The following SOX5 variants were observed in gnomAD, a reference collection of about 807,000 sequenced individuals.
SOX5 encodes the protein transcription factor SOX-5.
Under a neutral mutation model 92.0 loss-of-function variants are expected in SOX5, and 9 were observed. The ratio of observed to expected loss-of-function variants is 0.10; its 90% CI spans 0.06 to 0.17. The LOEUF (loss-of-function observed/expected upper bound fraction) is 0.17. Ranked by LOEUF, SOX5 falls within the 10% of genes least tolerant of loss-of-function variation. The pLI, the probability that SOX5 is intolerant of heterozygous loss-of-function variation, is 1.00. For synonymous variants in SOX5, 344 were observed against 336.3 expected (o/e 1.02, Z -0.25); for missense variants, 642 against 944.5 (o/e 0.68, Z 4.20).
intron 5 of SOX5, among the ~76,000 whole-genome samples, chr12:23,737,273 T>C (rs1240447748): frequency 6.6e-6 from 1 of 151,852 alleles, no homozygotes; most frequent in Non-Finnish European, 1.5e-5. Flanking sequence ...ACCCTGAGAG[T>C]ACTTTTTAAA....
chr12:23,740,011 C>T (rs1025451835), intron 5 of SOX5, among the ~76,000 whole-genome samples: 8 of 151,994 alleles, frequency 5.3e-5, no homozygotes, highest in Admixed American at 2.0e-4. Context: ...GTACAGTGCC[C>T]GGCACATAAG....
intron 3 of SOX5, among the ~76,000 whole-genome samples, chr12:24,214,331 T>C (rs1958992169): frequency 6.6e-6 from 1 of 152,152 alleles, no homozygotes. Flanking sequence ...GGGAATGTTT[T>C]TGCAAATTTA....
intron 10 of SOX5, among the ~76,000 whole-genome samples, chr12:23,573,713 A>G (rs1023142685): frequency 6.6e-6 from 1 of 152,182 alleles, no homozygotes; most frequent in Non-Finnish European, 1.5e-5. Context: ...AAACAGAATA[A>G]AGCAGAATTG....
intron 4 of SOX5, among the ~76,000 whole-genome samples, chr12:23,977,118 T>C (rs1476357039): frequency 1.3e-5 from 2 of 152,160 alleles, no homozygotes; most frequent in African/African-American, 4.8e-5. Context: ...GAGACAATAA[T>C]AAGACTGCAT....
intron 1 of SOX5, among the ~76,000 whole-genome samples, chr12:24,540,627 A>C (rs1037629731): frequency 2.0e-5 from 3 of 152,174 alleles, no homozygotes; most frequent in Non-Finnish European, 2.9e-5. Context: ...GCGATTAGAA[A>C]GTAATGAGAT....
At chr12:24,398,291 C>T (rs1210720794) in intron 1 of SOX5, among the ~76,000 whole-genome samples, 1 of 152,182 alleles carries the variant, frequency 6.6e-6, no homozygotes, top group Non-Finnish European at 1.5e-5. Flanking sequence ...ATCACCTGAG[C>T]TGAGAGTTTG....
intron 1 of SOX5, among the ~76,000 whole-genome samples, chr12:24,389,639 G>A (rs1023003012): frequency 7.9e-5 from 12 of 152,112 alleles, no homozygotes; most frequent in Admixed American, 3.9e-4. Context: ...TGGATATTTG[G>A]TTGTTTCAAT....
intron 3 of SOX5, among the ~76,000 whole-genome samples, chr12:24,248,161 G>C (rs556115205): frequency 2.0e-4 from 31 of 152,296 alleles, no homozygotes; most frequent in African/African-American, 5.5e-4. Flanking sequence ...GAAACAGCAA[G>C]AACAGGATTT....
chr12:23,541,542 G>A (rs1007392975), intron 13 of SOX5, among the ~76,000 whole-genome samples: 1 of 152,058 alleles, frequency 6.6e-6, no homozygotes, highest in Non-Finnish European at 1.5e-5. Flanking sequence ...TCACAAAAGG[G>A]AAAAATAGAT....
chr12:24,514,703 C>G (rs1197944017), intron 1 of SOX5, among the ~76,000 whole-genome samples: 1 of 152,186 alleles, frequency 6.6e-6, no homozygotes, highest in African/African-American at 2.4e-5. Flanking sequence ...TACATATACA[C>G]CTTGGAATAC....
At chr12:24,454,186 G>A (rs1942719417) in intron 1 of SOX5, among the ~76,000 whole-genome samples, 1 of 152,142 alleles carries the variant, frequency 6.6e-6, no homozygotes, top group South Asian at 2.1e-4. Flanking sequence ...GAAAAAGCGT[G>A]CTCTGTCTAC....
chr12:24,557,319 C>G (rs1047650675), intron 1 of SOX5, among the ~76,000 whole-genome samples: 1 of 149,624 alleles, frequency 6.7e-6, no homozygotes, highest in African/African-American at 2.5e-5. Flanking sequence ...ACCCAGGAGG[C>G]GGAGGGTTCA....
intron 8 of SOX5, among the ~76,000 whole-genome samples, chr12:23,634,136 T>A (rs1290890952): frequency 6.6e-6 from 1 of 152,136 alleles, no homozygotes; most frequent in Non-Finnish European, 1.5e-5. Flanking sequence ...GCCATGATAG[T>A]CTCTTTCATT....
At chr12:24,063,473 A>G (rs1349410339) in intron 4 of SOX5, among the ~76,000 whole-genome samples, 1 of 152,236 alleles carries the variant, frequency 6.6e-6, no homozygotes, top group Non-Finnish European at 1.5e-5. Context: ...GCTCCTTCCC[A>G]GTAAGTCTAT....
intron 3 of SOX5, among the ~76,000 whole-genome samples, chr12:24,276,967 AAAG>A (rs1310690775): frequency 1.3e-5 from 2 of 152,100 alleles, no homozygotes; most frequent in African/African-American, 4.8e-5. Flanking sequence ...AAGAAAAAGA[AAAG>A]AAAAGAAATG....
intron 1 of SOX5, among the ~76,000 whole-genome samples, chr12:24,534,225 T>C (rs1247651327): frequency 6.6e-6 from 1 of 151,720 alleles, no homozygotes; most frequent in Non-Finnish European, 1.5e-5. Flanking sequence ...GGACAAAAGC[T>C]GCAGTTGAGG....
At chr12:24,415,931 A>T (rs1467201781) in intron 1 of SOX5, among the ~76,000 whole-genome samples, 2 of 152,210 alleles carry the variant, frequency 1.3e-5, no homozygotes, top group African/African-American at 4.8e-5. Context: ...TTAACAACAA[A>T]ACACAGGTTG....
rs891943821 is a variant in SOX5 at position 24,208,383 on chromosome 12, C to T, written c.-2+4960G>A. Among the ~76,000 whole-genome samples, 3 of 152,280 alleles carry T rather than the reference C, an allele frequency of 2.0e-5. No individual in the cohort carries two copies. The East Asian group carries it at 5.8e-4, about 29-fold the overall frequency. On this transcript the variant is annotated intron_variant, in intron 4 of 4. Coordinates refer to the SOX5 transcript ENST00000446891. ...CACTTAGCATAAGATTCAAAGTCTT[C>T]TTATTATTTGAACCCAACTTACCTT...
At chr12:24,180,438 G>A (rs1955361302) in intron 4 of SOX5, among the ~76,000 whole-genome samples, 1 of 152,126 alleles carries the variant, frequency 6.6e-6, no homozygotes, top group Admixed American at 6.5e-5. Flanking sequence ...CCAGAATCCT[G>A]TAACTCCTAA....
Sources: gnomAD v4.1 joint callset for allele counts (sites outside exome capture counted in the v4.1 genomes callset) on GRCh38, gnomAD v4.1.1 for gene constraint, MANE v1.5 for transcripts, NCBI Gene and HGNC (gene_info 2026-07-23, HGNC 2026-07-21) for gene names.